The following TENM2 variants were observed in gnomAD, a reference collection of about 807,000 sequenced individuals.
TENM2 encodes the protein teneurin-2.
A neutral mutation model predicts 245.2 loss-of-function variants in TENM2; 52 were observed. The ratio of observed to expected loss-of-function variants is 0.21; its 90% CI spans 0.17 to 0.27. The LOEUF is 0.27. Among genes scored for constraint, TENM2 ranks in the 10% least tolerant of loss-of-function variants. The pLI is 1.00. For missense variants in TENM2, 3,046 were observed against 3,666.8 expected (o/e 0.83, Z 4.37); for synonymous variants, 1,363 against 1,438.9 (o/e 0.95, Z 1.19).
chr5:167,369,160 G>T lies in TENM2; in HGVS notation c.227-6038G>T, dbSNP rs1760252220. Among the ~76,000 whole-genome samples the T allele has an allele frequency of 2.6e-5, 4 of 152,122 alleles. No homozygotes were observed. In the South Asian group the frequency reaches 8.3e-4, roughly 32 times the overall value. On this transcript the variant is annotated intron_variant, in intron 1 of 28. Transcript: ENST00000518659. The stretch of plus-strand genomic sequence containing the variant: ...ATATGAGGCAAAAATAAACCCCAGG[G>T]AACTCACCACCATGTAGTTCCTGAG...
chr5:167,221,375 A>G, the TENM2 span, among the ~76,000 whole-genome samples: 32,525 of 152,110 alleles, frequency 0.21, 4,174 homozygotes, highest in African/African-American at 0.36. Context: ...TGTGCTTTAT[A>G]CCCAGAACTG....
At chr5:168,038,270 T>C (rs914709110) in intron 5 of TENM2, among the ~76,000 whole-genome samples, 8 of 152,202 alleles carry the variant, frequency 5.3e-5, no homozygotes, top group Non-Finnish European at 8.8e-5. Context: ...ATGATCACCA[T>C]TGTTACAAAA....
chr5:167,585,232 G>A (rs1775404699), intron 2 of TENM2, among the ~76,000 whole-genome samples: 1 of 152,150 alleles, frequency 6.6e-6, no homozygotes, highest in Admixed American at 6.5e-5. Flanking sequence ...TTTAGTTGGA[G>A]GAAGATGTAC....
At chr5:167,421,576 G>A (rs1393124036) in intron 2 of TENM2, among the ~76,000 whole-genome samples, 1 of 152,122 alleles carries the variant, frequency 6.6e-6, no homozygotes, top group Non-Finnish European at 1.5e-5. Flanking sequence ...AATGTGGCAG[G>A]ACAGAGTGTG....
chr5:166,984,369 C>T, the TENM2 span, among the ~76,000 whole-genome samples: 1 of 152,014 alleles, frequency 6.6e-6, no homozygotes, highest in Admixed American at 6.6e-5. Context: ...CTGGAGGATT[C>T]TCTTGGAAAA....
chr5:167,838,861 G>A (rs1044363927), intron 2 of TENM2, among the ~76,000 whole-genome samples: 3 of 152,184 alleles, frequency 2.0e-5, no homozygotes, highest in African/African-American at 4.8e-5. Flanking sequence ...AATGAATGAG[G>A]ACTTCTTTGA....
intron 1 of TENM2, among the ~76,000 whole-genome samples, chr5:167,353,500 G>GTTTT (rs59240930): frequency 0.065 from 5,173 of 79,164 alleles, 109 homozygotes; most frequent in Middle Eastern, 0.095. Flanking sequence ...TGTTGTTGTT[G>GTTTT]TTTTTTTTTT....
At chr5:167,881,764 A>T (rs535539432) in intron 3 of TENM2, among the ~76,000 whole-genome samples, 5 of 152,274 alleles carry the variant, frequency 3.3e-5, no homozygotes, top group African/African-American at 1.2e-4. Context: ...CCAGCATGTT[A>T]TCTTTGCTGT....
chr5:167,829,825 A>G (rs145413291), intron 2 of TENM2, among the ~76,000 whole-genome samples: 1 of 152,296 alleles, frequency 6.6e-6, no homozygotes, highest in African/African-American at 2.4e-5. Context: ...GCAGACTTTC[A>G]TTAGCTGGCA....
chr5:168,018,097 C>T (rs1237650479), intron 5 of TENM2, among the ~76,000 whole-genome samples: 4 of 152,190 alleles, frequency 2.6e-5, no homozygotes, highest in East Asian at 1.9e-4. Flanking sequence ...ACCAGCATCT[C>T]GGAGTTGGTT....
At chr5:167,535,625 G>C (rs1036894679) in intron 2 of TENM2, among the ~76,000 whole-genome samples, 2 of 152,102 alleles carry the variant, frequency 1.3e-5, no homozygotes, top group African/African-American at 4.8e-5. Context: ...AACTAGCTTT[G>C]GCCCTTTGGC....
At chr5:167,648,239 G>A (rs1039705571) in intron 2 of TENM2, among the ~76,000 whole-genome samples, 1 of 152,148 alleles carries the variant, frequency 6.6e-6, no homozygotes, top group African/African-American at 2.4e-5. Context: ...CAAAGGCTTC[G>A]ACAAATACAC....
chr5:167,992,376 C>T lies in TENM2; in HGVS notation c.948-568C>T, dbSNP rs114769003. ...ATATTTAGTTTGTAAATAGTTGTGA[C>T]AATACATTTCAAGTACCTTTCAATA... is the stretch of plus-strand genomic sequence containing the variant. On this transcript the variant is annotated intron_variant, in intron 4 of 28. Coordinates refer to ENST00000518659, the Ensembl canonical transcript of TENM2. 8.9e-4 allele frequency among the ~76,000 whole-genome samples: 136 copies of T among 152,288 alleles called. 1 individual carries two copies. Among genetic ancestry groups the T allele is most frequent in the Non-Finnish European group, 1.7e-3 (116 of 68,024 alleles).
chr5:167,080,338 G>A, the TENM2 span, among the ~76,000 whole-genome samples: 1 of 151,994 alleles, frequency 6.6e-6, no homozygotes, highest in South Asian at 2.1e-4. Flanking sequence ...ACTCTTTATG[G>A]GAACAAGAAG....
intron 1 of TENM2, among the ~76,000 whole-genome samples, chr5:167,374,000 G>T (rs974626852): frequency 6.6e-6 from 1 of 152,106 alleles, no homozygotes; most frequent in Non-Finnish European, 1.5e-5. Flanking sequence ...TTCACTTTCC[G>T]TAAGTGAGGC....
chr5:167,825,465 C>T (rs1767892496), intron 2 of TENM2, among the ~76,000 whole-genome samples: 2 of 152,154 alleles, frequency 1.3e-5, no homozygotes, highest in African/African-American at 4.8e-5. Flanking sequence ...CTTAGAAGAG[C>T]AGAAGGGAGG....
intron 26 of TENM2, among the ~76,000 whole-genome samples, chr5:168,245,556 C>T (rs1173308412): frequency 7.1e-6 from 1 of 140,180 alleles, no homozygotes; most frequent in Non-Finnish European, 1.5e-5. Flanking sequence ...TGAAAAAGGT[C>T]AGGTTGGAGT....
At chr5:167,911,051 GT>G (rs934934593) in intron 3 of TENM2, among the ~76,000 whole-genome samples, 10 of 152,036 alleles carry the variant, frequency 6.6e-5, no homozygotes, top group South Asian at 2.1e-4. Flanking sequence ...AAGATTTGAT[GT>G]TTTTTTCAAC....
At chr5:167,570,950 A>G (rs1774228763) in intron 2 of TENM2, among the ~76,000 whole-genome samples, 1 of 152,130 alleles carries the variant, frequency 6.6e-6, no homozygotes, top group Admixed American at 6.6e-5. Context: ...TCATGAGTTG[A>G]GTGGTAGAAC....
Sources: allele counts gnomAD v4.1 joint callset (sites outside exome capture counted in the v4.1 genomes callset), GRCh38; gene constraint gnomAD v4.1.1; transcripts MANE v1.5; gene names NCBI Gene and HGNC (gene_info 2026-07-23, HGNC 2026-07-21).